Variants in MAD1L1 observed in about 807,000 individuals in gnomAD.
MAD1L1 encodes mitotic spindle assembly checkpoint protein MAD1.
In MAD1L1, 95 loss-of-function variants were observed where a neutral mutation model predicts 96.9. The ratio of observed to expected loss-of-function variants is 0.98; its 90% confidence interval spans 0.83 to 1.16. The LOEUF (loss-of-function observed/expected upper bound fraction) is 1.16. Ranked by LOEUF, MAD1L1 falls within the 50% of genes most tolerant of loss-of-function variation. MAD1L1 has a pLI of 0.00. For synonymous variants in MAD1L1, 473 were observed against 396.6 expected, an observed-to-expected ratio of 1.19 and a Z score of -2.29; for missense variants, 1,007 against 954.4, an observed-to-expected ratio of 1.06 and a Z score of -0.73.
intron 18 of MAD1L1, among the ~76,000 whole-genome samples, chr7:1,880,331 C>A (rs1036435754): frequency 1.7e-4 from 26 of 152,294 alleles, no homozygotes; most frequent in African/African-American, 6.0e-4. Context: ...TGCACCAGGT[C>A]ATGATGTCTC....
intron 12 of MAD1L1, among the ~76,000 whole-genome samples, chr7:2,062,257 CAA>C (rs56706072): frequency 0.066 from 6,795 of 102,708 alleles, 327 homozygotes; most frequent in African/African-American, 0.15. Flanking sequence ...ACAGCAACGA[CAA>C]AAAAAAAAAA....
chr7:2,172,590 C>T (rs559461272), intron 10 of MAD1L1, among the ~76,000 whole-genome samples: 3 of 152,246 alleles, frequency 2.0e-5, no homozygotes, highest in African/African-American at 7.2e-5. Context: ...GCAGCCCAGG[C>T]GCAGCCACTC....
At chr7:1,929,000 A>G (rs552833100) in intron 17 of MAD1L1, among the ~76,000 whole-genome samples, 12 of 152,310 alleles carry the variant, frequency 7.9e-5, no homozygotes, top group African/African-American at 2.4e-4. Flanking sequence ...GAAGCAGTGC[A>G]CAGGACGCAA....
At chr7:1,847,617 T>C (rs201910063) in intron 18 of MAD1L1, 7 of 470,862 alleles carry the variant, frequency 1.5e-5, no homozygotes, top group Non-Finnish European at 3.1e-5. Flanking sequence ...ATCTCAGCCC[T>C]GGGCAGGCCT....
chr7:1,868,300 T>C (rs1784875683), intron 18 of MAD1L1, among the ~76,000 whole-genome samples: 1 of 152,164 alleles, frequency 6.6e-6, no homozygotes, highest in Non-Finnish European at 1.5e-5. Context: ...GGCTCTGAGA[T>C]TTCAAGTCAC....
chr7:2,202,654 C>T (rs923604044), intron 10 of MAD1L1, among the ~76,000 whole-genome samples: 1 of 152,216 alleles, frequency 6.6e-6, no homozygotes, highest in South Asian at 2.1e-4. Flanking sequence ...AAAACCAAAC[C>T]GGCGCCAATT....
At chr7:2,192,717 G>A (rs1243310300) in intron 10 of MAD1L1, among the ~76,000 whole-genome samples, 1 of 152,086 alleles carries the variant, frequency 6.6e-6, no homozygotes, top group Non-Finnish European at 1.5e-5. Flanking sequence ...CTAAACTAAC[G>A]TCATGCCCCA....
intron 18 of MAD1L1, among the ~76,000 whole-genome samples, chr7:1,881,252 A>G (rs1017243051): frequency 2.0e-5 from 3 of 152,088 alleles, no homozygotes; most frequent in Admixed American, 1.3e-4. Context: ...ATTTGAATTA[A>G]CCCATTTATG....
chr7:1,887,077 T>C (rs1405961733), intron 18 of MAD1L1, among the ~76,000 whole-genome samples: 1 of 152,270 alleles, frequency 6.6e-6, no homozygotes, highest in Non-Finnish European at 1.5e-5. Context: ...TTCACAGCCC[T>C]TGAAACACTC....
intron 18 of MAD1L1, among the ~76,000 whole-genome samples, chr7:1,856,226 CG>C (rs1562462098): frequency 6.6e-6 from 1 of 152,220 alleles, no homozygotes; most frequent in Non-Finnish European, 1.5e-5. Flanking sequence ...ATGGCTGGAC[CG>C]GGGAGGGGTG....
intron 17 of MAD1L1, among the ~76,000 whole-genome samples, chr7:1,899,628 C>A (rs1292209040): frequency 6.6e-6 from 1 of 152,096 alleles, no homozygotes; most frequent in African/African-American, 2.4e-5. Flanking sequence ...GGAGGCTGGT[C>A]CTGAGTTAGA....
intron 11 of MAD1L1, among the ~76,000 whole-genome samples, chr7:2,132,374 TGCGACCGCGC>T (rs1788553204): frequency 6.7e-6 from 1 of 149,520 alleles, no homozygotes; most frequent in Non-Finnish European, 1.5e-5. Flanking sequence ...GCAGTCCCTG[TGCGACCGCGC>T]GTCCACCATC....
At chr7:2,165,214 AG>A (rs1472707629) in intron 10 of MAD1L1, among the ~76,000 whole-genome samples, 2 of 151,188 alleles carry the variant, frequency 1.3e-5, no homozygotes, top group East Asian at 1.9e-4. Context: ...AAAAAAAAAA[AG>A]AAAAAGAAAA....
chr7:1,856,389 C>A (rs1668346583), intron 18 of MAD1L1, among the ~76,000 whole-genome samples: 1 of 152,230 alleles, frequency 6.6e-6, no homozygotes, highest in Non-Finnish European at 1.5e-5. Flanking sequence ...CACAGGCCAG[C>A]CTCTGTGGGG....
intron 18 of MAD1L1, among the ~76,000 whole-genome samples, chr7:1,877,086 A>G (rs1392381788): frequency 6.6e-6 from 1 of 151,562 alleles, no homozygotes; most frequent in Non-Finnish European, 1.5e-5. Context: ...ATTTTGTGTA[A>G]AAATTACATA....
chr7:1,853,274 C>A (rs1178559516), intron 18 of MAD1L1, among the ~76,000 whole-genome samples: 1 of 152,218 alleles, frequency 6.6e-6, no homozygotes, highest in Non-Finnish European at 1.5e-5. Flanking sequence ...TGTGTCGGGA[C>A]AGGCCTGGCG....
chr7:2,131,429 A>C, intron 11 of MAD1L1, among the ~76,000 whole-genome samples: 1 of 152,240 alleles, frequency 6.6e-6, no homozygotes, highest in East Asian at 1.9e-4. Context: ...AGATGAGAGG[A>C]CACTAAACTC....
rs761896770 is a variant in MAD1L1 at position 1,939,316 on chromosome 7, CACACACACAT to C, written c.1597-2429_1597-2420del. Among the ~76,000 whole-genome samples, 94 of 150,892 alleles carry C rather than the reference CACACACACAT, an allele frequency of 6.2e-4. 1 individual carries two copies. The highest frequency in any genetic ancestry group is 1.8e-3 in the Admixed American group (27 of 15,184). On this transcript the variant is annotated intron_variant, in intron 16 of 18. Transcript: ENST00000265854. ...GGCCAGCGGTGCACGCACACACATACACACACACATACACACACACACAGGCCAGGGCTGG... is the reference window on the plus strand; with the variant it reads ...GGCCAGCGGTGCACGCACACACATACACACACACACACAGGCCAGGGCTGG...
intron 15 of MAD1L1, among the ~76,000 whole-genome samples, chr7:1,970,930 C>A (rs1562571740): frequency 6.6e-6 from 1 of 152,346 alleles, no homozygotes; most frequent in East Asian, 1.9e-4. Context: ...ACTCGCCGAC[C>A]ATGAACTCAG....
Sources: gnomAD v4.1 joint callset for allele counts (sites outside exome capture counted in the v4.1 genomes callset) on GRCh38, gnomAD v4.1.1 for gene constraint, MANE v1.5 for transcripts, NCBI Gene and HGNC (gene_info 2026-07-23, HGNC 2026-07-21) for gene names.